ATXN1: variants seen among roughly 807,000 people sequenced by gnomAD.
ATXN1 encodes ataxin 1.
ATXN1 carries 8 observed loss-of-function variants against 56.4 expected under a neutral mutation model. That is an observed-to-expected ratio of 0.14 (90% CI 0.08 to 0.26). ATXN1 has a LOEUF of 0.26. Ranked by LOEUF, ATXN1 falls within the 10% of genes least tolerant of loss-of-function variation. ATXN1 has a pLI of 1.00. For synonymous variants in ATXN1, 514 were observed against 494.6 expected (o/e 1.04, Z -0.52); for missense variants, 987 against 1,106.5 (o/e 0.89, Z 1.53).
intron 6 of ATXN1, among the ~76,000 whole-genome samples, chr6:16,386,785 A>G (rs1758251415): frequency 6.6e-6 from 1 of 152,228 alleles, no homozygotes. Flanking sequence ...CATAGGCTGA[A>G]TGCCTCTGAA....
At chr6:16,462,210 C>G (rs1760013532) in intron 6 of ATXN1, among the ~76,000 whole-genome samples, 1 of 152,132 alleles carries the variant, frequency 6.6e-6, no homozygotes, top group Non-Finnish European at 1.5e-5. Flanking sequence ...CTCTCTACCC[C>G]CACTGCAGTT....
At chr6:16,464,206 G>A (rs933666690) in intron 6 of ATXN1, among the ~76,000 whole-genome samples, 14 of 152,134 alleles carry the variant, frequency 9.2e-5, no homozygotes, top group African/African-American at 3.1e-4. Context: ...GAACTTTCCT[G>A]TCTTACAAGA....
chr6:16,595,760 A>G (rs1252790967), intron 3 of ATXN1, among the ~76,000 whole-genome samples: 5 of 150,784 alleles, frequency 3.3e-5, no homozygotes, highest in Admixed American at 2.6e-4. Context: ...AGAGTAAACA[A>G]GCAACATATG....
At chr6:16,646,989 TTTTG>T (rs533393628) in intron 3 of ATXN1, among the ~76,000 whole-genome samples, 136 of 152,150 alleles carry the variant, frequency 8.9e-4, no homozygotes, top group Admixed American at 3.2e-3. Context: ...ATTTAGGTTT[TTTTG>T]TTTGTTTGTT....
intron 2 of ATXN1, among the ~76,000 whole-genome samples, chr6:16,733,702 C>T (rs1760045753): frequency 6.6e-6 from 1 of 152,012 alleles, no homozygotes; most frequent in African/African-American, 2.4e-5. Flanking sequence ...ACAAAATTAG[C>T]TGGGTGTGGT....
intron 2 of ATXN1, among the ~76,000 whole-genome samples, chr6:16,746,210 CTCTG>C (rs1228506413): frequency 4.0e-5 from 6 of 151,748 alleles, no homozygotes; most frequent in Admixed American, 6.5e-5. Context: ...CACCCTCCCT[CTCTG>C]TCTATGAAAC....
At chr6:16,467,981 C>T (rs752561251) in intron 6 of ATXN1, among the ~76,000 whole-genome samples, 2 of 152,016 alleles carry the variant, frequency 1.3e-5, no homozygotes, top group African/African-American at 4.8e-5. Context: ...TAGTGACCAT[C>T]GAATATGTTG....
chr6:16,590,363 A>G (rs986281385), intron 3 of ATXN1, among the ~76,000 whole-genome samples: 1 of 152,346 alleles, frequency 6.6e-6, no homozygotes, highest in Non-Finnish European at 1.5e-5. Context: ...TACAAATGCT[A>G]CCAGTACATA....
intron 6 of ATXN1, among the ~76,000 whole-genome samples, chr6:16,483,228 A>G (rs564127597): frequency 5.3e-5 from 8 of 152,280 alleles, no homozygotes; most frequent in Middle Eastern, 3.4e-3. Flanking sequence ...TTAATGGGAC[A>G]TGCACAGGAA....
At chr6:16,698,039 G>A (rs545847655) in intron 2 of ATXN1, among the ~76,000 whole-genome samples, 1 of 152,286 alleles carries the variant, frequency 6.6e-6, no homozygotes, top group South Asian at 2.1e-4. Context: ...AGGAGCACCG[G>A]GAGGGAATAT....
intron 6 of ATXN1, among the ~76,000 whole-genome samples, chr6:16,374,223 A>T (rs1762102918): frequency 6.6e-6 from 1 of 152,190 alleles, no homozygotes; most frequent in African/African-American, 2.4e-5. Flanking sequence ...ACATAAAAAA[A>T]TTAGGGAACA....
At chr6:16,679,267 AGTTAGTGGGTGG>A (rs1758753581) in intron 2 of ATXN1, among the ~76,000 whole-genome samples, 66 of 114,476 alleles carry the variant, frequency 5.8e-4, no homozygotes, top group African/African-American at 1.0e-3. Flanking sequence ...TGGATGGATG[AGTTAGTGGGTGG>A]ATGGATGGAT....
At chr6:16,564,961 A>G (rs9477166) in intron 4 of ATXN1, among the ~76,000 whole-genome samples, 35,779 of 152,042 alleles carry the variant, frequency 0.24, 6,750 homozygotes, top group African/African-American at 0.53. Context: ...TACACGGAAT[A>G]CAGAATTCAA....
At chr6:16,603,602 G>A (rs1324005035) in intron 3 of ATXN1, among the ~76,000 whole-genome samples, 59 of 152,202 alleles carry the variant, frequency 3.9e-4, no homozygotes, top group Non-Finnish European at 1.5e-5. Context: ...GCTTGACTTA[G>A]GCCTCATTTG....
At chr6:16,384,058 T>A (rs1221214973) in intron 6 of ATXN1, among the ~76,000 whole-genome samples, 1 of 152,164 alleles carries the variant, frequency 6.6e-6, no homozygotes, top group Non-Finnish European at 1.5e-5. Context: ...ATTTTGCACA[T>A]CCAGGAAAGC....
chr6:16,320,455 G>A (rs1229975918), intron 7 of ATXN1, among the ~76,000 whole-genome samples: 1 of 152,084 alleles, frequency 6.6e-6, no homozygotes, highest in Non-Finnish European at 1.5e-5. Flanking sequence ...TGGCATTTAG[G>A]AAAGAAGCAA....
chr6:16,424,758 GT>G (rs1447692535), intron 6 of ATXN1, among the ~76,000 whole-genome samples: 1 of 152,204 alleles, frequency 6.6e-6, no homozygotes, highest in Non-Finnish European at 1.5e-5. Flanking sequence ...ACAAAGAAGT[GT>G]TTCAGGTGCA....
At chr6:16,462,383 G>A (rs1269718789) in intron 6 of ATXN1, among the ~76,000 whole-genome samples, 1 of 152,136 alleles carries the variant, frequency 6.6e-6, no homozygotes, top group Non-Finnish European at 1.5e-5. Context: ...ATTTCAGAAG[G>A]AAACATCCCA....
At chr6:16,563,545 C>A (rs1219357395) in intron 4 of ATXN1, among the ~76,000 whole-genome samples, 2 of 152,060 alleles carry the variant, frequency 1.3e-5, no homozygotes, top group Non-Finnish European at 2.9e-5. Context: ...AAGGAGACAA[C>A]TGAGTTCTGA....
Sources: gnomAD v4.1 joint callset for allele counts (sites outside exome capture counted in the v4.1 genomes callset) on GRCh38, gnomAD v4.1.1 for gene constraint, MANE v1.5 for transcripts, NCBI Gene and HGNC (gene_info 2026-07-23, HGNC 2026-07-21) for gene names.